Variants in KCNJ15 observed in about 807,000 individuals in gnomAD.
The protein encoded by KCNJ15 is ATP-sensitive inward rectifier potassium channel 15.
A neutral mutation model predicts 23.0 loss-of-function variants in KCNJ15; 14 were observed. The observed-to-expected ratio is 0.61, with a 90% CI of 0.40 to 0.95. KCNJ15 has a LOEUF of 0.95. KCNJ15 is among the 40% of genes least tolerant of loss of function. The pLI, the probability that KCNJ15 is intolerant of heterozygous loss-of-function variation, is 0.00. For missense variants in KCNJ15, 388 were observed against 461.8 expected (o/e 0.84, Z 1.46); for synonymous variants, 185 against 183.2 (o/e 1.01, Z -0.08).
At chr21:38,292,005 C>T (rs184689260) in intron 1 of KCNJ15, among the ~76,000 whole-genome samples, 66 of 152,252 alleles carry the variant, frequency 4.3e-4, no homozygotes, top group Non-Finnish European at 7.9e-4. Context: ...ATTACAGCTG[C>T]TTAATCTATA....
At chr21:38,280,252 C>G (rs1983175412) in intron 1 of KCNJ15, among the ~76,000 whole-genome samples, 2 of 152,134 alleles carry the variant, frequency 1.3e-5, no homozygotes, top group African/African-American at 4.8e-5. Context: ...TATTTGCAGC[C>G]ACTGTTGCAC....
rs1031390517 is a variant in KCNJ15, at chr21:38,304,799, C to G, written c.*4410C>G. 2.0e-5 allele frequency: 3 copies of G among 148,854 alleles called. No homozygotes were observed. Among genetic ancestry groups the G allele is most frequent in the African/African-American group, 7.3e-5 (3 of 40,894 alleles). 9.2% of individuals were successfully genotyped at this position (148,854 alleles called of 1,614,324 possible). ...TCACGCCATTCTCTCCCTCAGCCTC[C>G]CGAGTAGCTGGGACTACAGGCGCTC... On this transcript the variant is annotated 3_prime_UTR_variant, in exon 3 of 3. Transcript: ENST00000398938.
At chr21:38,237,612 G>C (rs1032120938) in intron 1 of KCNJ15, among the ~76,000 whole-genome samples, 6 of 152,148 alleles carry the variant, frequency 3.9e-5, no homozygotes, top group African/African-American at 7.2e-5. Flanking sequence ...TGAGCGGGGG[G>C]GCAGGCAGCA....
intron 1 of KCNJ15, among the ~76,000 whole-genome samples, chr21:38,242,652 G>A (rs977554936): frequency 1.4e-4 from 21 of 152,198 alleles, no homozygotes; most frequent in Admixed American, 1.4e-3. Context: ...TCTTCTGGAG[G>A]CCTTCCCTGC....
chr21:38,254,450 A>AT (rs1393312770), upstream of KCNJ15, among the ~76,000 whole-genome samples: 3 of 152,238 alleles, frequency 2.0e-5, no homozygotes, highest in Admixed American at 2.0e-4. Context: ...CTCTGGACTC[A>AT]TTTTTTCCTT....
intron 1 of KCNJ15, among the ~76,000 whole-genome samples, chr21:38,234,555 A>G (rs367863021): frequency 2.0e-5 from 3 of 152,354 alleles, no homozygotes; most frequent in South Asian, 2.1e-4. Flanking sequence ...GGCTAAGCCT[A>G]AAGGAACTTT....
intron 1 of KCNJ15, among the ~76,000 whole-genome samples, chr21:38,289,213 A>C (rs1202357905): frequency 6.6e-6 from 1 of 151,790 alleles, no homozygotes; most frequent in Non-Finnish European, 1.5e-5. Context: ...AAAAAAAAAA[A>C]AAAAAGGTCA....
At chr21:38,265,918 C>T (rs1981414129) in intron 1 of KCNJ15, among the ~76,000 whole-genome samples, 2 of 152,156 alleles carry the variant, frequency 1.3e-5, no homozygotes, top group African/African-American at 4.8e-5. Context: ...CCTTGCAGAA[C>T]AAGACGACTT....
At chr21:38,264,094 T>C (rs1453577391) in intron 1 of KCNJ15, among the ~76,000 whole-genome samples, 1 of 152,202 alleles carries the variant, frequency 6.6e-6, no homozygotes, top group Non-Finnish European at 1.5e-5. Flanking sequence ...CTTAACTACA[T>C]CTGAACTTAA....
intron 1 of KCNJ15, among the ~76,000 whole-genome samples, chr21:38,294,044 G>A (rs1193720539): frequency 6.6e-6 from 1 of 152,212 alleles, no homozygotes; most frequent in African/African-American, 2.4e-5. Flanking sequence ...AGGGAGCCCA[G>A]GGAGGAGAGC....
Position 38,303,663 on chromosome 21 carries a change from A to C in KCNJ15, c.*3274A>C, listed in dbSNP as rs1319055238. 6.6e-6 allele frequency: 1 copy of C among 151,668 alleles called. No homozygotes were observed. 9.4% of individuals were successfully genotyped at this position (151,668 alleles called of 1,614,324 possible). Reference sequence around the variant, plus strand: ...AAAAAATGCCATGAATGAATGAACCAGATGTTTAATAAATCAAAACAACTA... The same window carrying C: ...AAAAAATGCCATGAATGAATGAACCCGATGTTTAATAAATCAAAACAACTA... On this transcript the variant is annotated 3_prime_UTR_variant, in exon 3 of 3. Transcript: ENST00000398938.
chr21:38,286,037 A>T (rs1314538009), intron 1 of KCNJ15, among the ~76,000 whole-genome samples: 1 of 152,062 alleles, frequency 6.6e-6, no homozygotes, highest in Non-Finnish European at 1.5e-5. Flanking sequence ...AGGTCAGGAG[A>T]TTGAGACCAT....
chr21:38,269,088 A>AT (rs1981804847), intron 1 of KCNJ15: 1 of 152,176 alleles, frequency 6.6e-6, no homozygotes, highest in Non-Finnish European at 1.5e-5. Flanking sequence ...AAATGACATG[A>AT]TTTTTTGTGA....
intron 1 of KCNJ15, among the ~76,000 whole-genome samples, chr21:38,292,721 C>T (rs1984737065): frequency 6.6e-6 from 1 of 152,108 alleles, no homozygotes; most frequent in Non-Finnish European, 1.5e-5. Flanking sequence ...GTAATCCCGG[C>T]ACTTTGGGAG....
At chr21:38,236,572 T>C (rs1258416449) in intron 1 of KCNJ15, among the ~76,000 whole-genome samples, 2 of 152,216 alleles carry the variant, frequency 1.3e-5, no homozygotes, top group African/African-American at 4.8e-5. Flanking sequence ...CCAAGTCAGA[T>C]GCTTTGTTCT....
At chr21:38,291,886 C>T (rs1201817606) in intron 1 of KCNJ15, 1 of 152,198 alleles carries the variant, frequency 6.6e-6, no homozygotes, top group Non-Finnish European at 1.5e-5. Context: ...GTTCCTTTGT[C>T]TGAAATATGG....
chr21:38,245,709 G>C (rs993573468), intron 1 of KCNJ15, among the ~76,000 whole-genome samples: 2 of 151,174 alleles, frequency 1.3e-5, no homozygotes, highest in Non-Finnish European at 3.0e-5. Flanking sequence ...GGAAAGGAAA[G>C]AAAGAAAGAG....
upstream of KCNJ15, among the ~76,000 whole-genome samples, chr21:38,255,905 C>G (rs1160453128): frequency 6.6e-6 from 1 of 152,178 alleles, no homozygotes; most frequent in African/African-American, 2.4e-5. Context: ...CACCGACATG[C>G]CTGGGCAGGG....
chr21:38,246,386 A>C (rs1229531359), intron 1 of KCNJ15, among the ~76,000 whole-genome samples: 2 of 152,218 alleles, frequency 1.3e-5, no homozygotes, highest in Non-Finnish European at 2.9e-5. Flanking sequence ...TATGATGAAG[A>C]TTAACTTTTG....
Sources: allele counts gnomAD v4.1 joint callset (sites outside exome capture counted in the v4.1 genomes callset), GRCh38; gene constraint gnomAD v4.1.1; transcripts MANE v1.5; gene names NCBI Gene and HGNC (gene_info 2026-07-23, HGNC 2026-07-21).